WWP2: variants seen among roughly 807,000 people sequenced by gnomAD.
WWP2 encodes WW domain containing E3 ubiquitin protein ligase 2, also known as NEDD4-like E3 ubiquitin-protein ligase WWP2.
A neutral mutation model predicts 121.0 loss-of-function variants in WWP2; 57 were observed. The ratio of observed to expected loss-of-function variants is 0.47; its 90% CI spans 0.38 to 0.59. The LOEUF is 0.59. WWP2 is among the 20% of genes least tolerant of loss of function. The pLI is 0.00. For synonymous variants in WWP2, 449 were observed against 441.3 expected (o/e 1.02, Z -0.22); for missense variants, 962 against 1,158.9 (o/e 0.83, Z 2.47).
intron 8 of WWP2, chr16:69,894,867 A>G (rs1019097351): frequency 3.9e-5 from 6 of 152,140 alleles, no homozygotes; most frequent in Admixed American, 3.3e-4. Flanking sequence ...GAGGCACATT[A>G]TTTTGCCCTG....
chr16:69,840,355 C>T (rs2056955324), intron 5 of WWP2, 92 bp downstream of exon 5: 5 of 1,557,034 alleles, frequency 3.2e-6, no homozygotes, highest in South Asian at 2.4e-5. Context: ...CTTACTAGGC[C>T]ATCTTGGTTT....
chr16:69,875,035 T>A (rs1212498643), intron 7 of WWP2, among the ~76,000 whole-genome samples: 1 of 139,384 alleles, frequency 7.2e-6, no homozygotes, highest in Non-Finnish European at 1.6e-5. Flanking sequence ...AAAAAAAAAA[T>A]TACAGCAAAA....
intron 10 of WWP2, among the ~76,000 whole-genome samples, chr16:69,922,713 T>C (rs2058581128): frequency 6.6e-6 from 1 of 152,258 alleles, no homozygotes; most frequent in Admixed American, 6.5e-5. Context: ...TTTTCATTTC[T>C]TCTTGTTCCT....
chr16:69,794,965 A>G (rs2151806280), intron 2 of WWP2, among the ~76,000 whole-genome samples: 1 of 152,308 alleles, frequency 6.6e-6, no homozygotes, highest in African/African-American at 2.4e-5. Context: ...TTGTAATCCC[A>G]GCATTTTGGA....
chr16:69,802,447 C>T (rs769639010), intron 4 of WWP2, among the ~76,000 whole-genome samples: 4 of 152,172 alleles, frequency 2.6e-5, no homozygotes, highest in Non-Finnish European at 5.9e-5. Context: ...AGCTACCGCT[C>T]TACTTTCTGC....
At position 69,938,135 on chromosome 16, in the gene WWP2, A is replaced by AT. The variant is rs2058829034; in HGVS notation, c.2343+489dup. Among the ~76,000 whole-genome samples, 4 of 152,274 alleles carry AT rather than the reference A, an allele frequency of 2.6e-5. No individual in the cohort carries two copies. The South Asian group carries it at 8.3e-4, about 32-fold the overall frequency. On this transcript the variant is annotated intron_variant, in intron 21 of 23. Coordinates refer to ENST00000359154, the MANE Select transcript of WWP2 (RefSeq NM_001270454.2). The stretch of plus-strand genomic sequence containing the variant: ...TCTGTGTGCATATGTACGTATACAA[A>AT]TTTTTTGTGGAGGTGAAATTTGTAT...
intron 4 of WWP2, among the ~76,000 whole-genome samples, chr16:69,834,600 C>G (rs2056844167): frequency 6.7e-6 from 1 of 149,842 alleles, no homozygotes; most frequent in Non-Finnish European, 1.5e-5. Context: ...AATCTCGGCT[C>G]ACTGCAACTT....
chr16:69,911,869 T>A (rs930655713), intron 9 of WWP2, among the ~76,000 whole-genome samples: 1 of 152,082 alleles, frequency 6.6e-6, no homozygotes, highest in Non-Finnish European at 1.5e-5. Flanking sequence ...GATAGATAAA[T>A]GGCAGAGCCG....
intron 8 of WWP2, among the ~76,000 whole-genome samples, chr16:69,897,862 C>T (rs2058131257): frequency 2.0e-5 from 3 of 150,912 alleles, no homozygotes; most frequent in African/African-American, 4.9e-5. Flanking sequence ...GAGCCGAGAT[C>T]GTACCACTGC....
intron 10 of WWP2, among the ~76,000 whole-genome samples, chr16:69,919,813 C>T (rs912834945): frequency 2.4e-5 from 3 of 125,124 alleles, no homozygotes; most frequent in African/African-American, 9.5e-5. Context: ...TTTTTTGAGA[C>T]AAGGTCTCAT....
At chr16:69,850,112 C>T (rs572086422) in intron 6 of WWP2, among the ~76,000 whole-genome samples, 6 of 152,174 alleles carry the variant, frequency 3.9e-5, no homozygotes, top group South Asian at 4.2e-4. Flanking sequence ...GTCGGCCGGG[C>T]GCAGTGGCTC....
intron 6 of WWP2, among the ~76,000 whole-genome samples, chr16:69,850,433 G>T (rs1432838200): frequency 6.6e-6 from 1 of 151,956 alleles, no homozygotes; most frequent in African/African-American, 2.4e-5. Flanking sequence ...TGACATCAGG[G>T]AGTGTCTCTA....
Position 69,818,856 on chromosome 16 carries a change from C to T in WWP2, c.340+19561C>T, listed in dbSNP as rs1319617334. Among the ~76,000 whole-genome samples the T allele has an allele frequency of 2.0e-5, 3 of 152,164 alleles. 1 individual carries two copies. Among genetic ancestry groups the T allele is most frequent in the African/African-American group, 7.2e-5 (3 of 41,438 alleles). ...TTTACCCCCCTTTCATTCACAAGCA[C>T]ATCCAGCCTCCTTGCTTTAAATTTG... On this transcript the variant is annotated intron_variant, in intron 4 of 23. Coordinates refer to ENST00000359154, the MANE Select transcript of WWP2 (RefSeq NM_001270454.2).
chr16:69,809,764 G>A (rs1307868420), intron 4 of WWP2, among the ~76,000 whole-genome samples: 4 of 151,306 alleles, frequency 2.6e-5, no homozygotes, highest in South Asian at 2.1e-4. Context: ...GTGAAACTCC[G>A]TCAGAAAGAG....
At chr16:69,850,284 G>A (rs995669497) in intron 6 of WWP2, among the ~76,000 whole-genome samples, 1 of 151,884 alleles carries the variant, frequency 6.6e-6, no homozygotes, top group Non-Finnish European at 1.5e-5. Context: ...CTACTCGGGA[G>A]GCTGAGGCAG....
rs1488305096 is a variant in WWP2 at position 69,941,073 on chromosome 16, A to T, written c.*1133A>T. 6.6e-6 allele frequency: 1 copy of T among 152,562 alleles called. No individual in the cohort carries two copies. Among genetic ancestry groups the T allele is most frequent in the African/African-American group, 2.4e-5 (1 of 41,454 alleles). 9.5% of individuals were successfully genotyped at this position (152,562 alleles called of 1,614,324 possible). On this transcript the variant is annotated 3_prime_UTR_variant, in exon 24 of 24. Transcript: ENST00000359154. Reference sequence around the variant, plus strand: ...CGCCAGCGGAAAGTGTTCATTCTGCATAGGTGTGAGGCTTTATCTGCACAC... The same window carrying T: ...CGCCAGCGGAAAGTGTTCATTCTGCTTAGGTGTGAGGCTTTATCTGCACAC...
intron 12 of WWP2, 23 bp from the exon 13 acceptor site, chr16:69,930,107 C>A (rs1179365700): frequency 6.2e-7 from 1 of 1,613,854 alleles, no homozygotes; most frequent in Non-Finnish European, 8.5e-7. Context: ...CAGCCCTTCA[C>A]CCTTTTCTTC....
intron 9 of WWP2, 29 bp downstream of exon 9, chr16:69,908,879 C>T: frequency 6.2e-7 from 1 of 1,614,004 alleles, no homozygotes; most frequent in Non-Finnish European, 8.5e-7. Context: ...AGACCTGAGA[C>T]TCTGGAACTG....
At chr16:69,824,523 T>G (rs1031164435) in intron 4 of WWP2, among the ~76,000 whole-genome samples, 2 of 7,766 alleles carry the variant, frequency 2.6e-4, no homozygotes, top group African/African-American at 4.9e-4. Flanking sequence ...CCCCTCCCCC[T>G]CCCTCCCCCT....
Sources: allele counts gnomAD v4.1 joint callset (sites outside exome capture counted in the v4.1 genomes callset), GRCh38; gene constraint gnomAD v4.1.1; transcripts MANE v1.5; gene names NCBI Gene and HGNC (gene_info 2026-07-23, HGNC 2026-07-21).